The following SRSF5 variants were observed in gnomAD, a reference collection of about 807,000 sequenced individuals.
SRSF5 encodes serine/arginine-rich splicing factor 5.
Under a neutral mutation model 34.0 loss-of-function variants are expected in SRSF5, and 5 were observed. The ratio of observed to expected loss-of-function variants is 0.15; its 90% CI spans 0.08 to 0.31. SRSF5 has a LOEUF of 0.31. Ranked by LOEUF, SRSF5 falls within the 10% of genes least tolerant of loss-of-function variation. SRSF5 has a pLI of 1.00. For synonymous variants in SRSF5, 164 were observed against 117.7 expected, an observed-to-expected ratio of 1.39 and a Z score of -2.55; for missense variants, 223 against 351.4, an observed-to-expected ratio of 0.63 and a Z score of 2.92.
At chr14:69,769,429 A>ATCAAATGTAAATGTTTTGAGGATATTTT in intron 5 of SRSF5, 178 bp downstream of exon 5, 1 of 1,526,268 alleles carries the variant, frequency 6.6e-7, no homozygotes, top group Non-Finnish European at 8.8e-7. Context: ...AATATTAGTG[A>ATCAAATGTAAATGTTTTGAGGATATTTT]TCAAATGTAA....
Position 69,767,998 on chromosome 14 carries a change from C to A in SRSF5, c.-19-140C>A, listed in dbSNP as rs1364300398. Reference sequence around the variant, plus strand: ...TCATTTTGTCTGCAGGTAACCTGGCCTCATTAGAGGCTCTGTTGGCAATCT... The same window carrying A: ...TCATTTTGTCTGCAGGTAACCTGGCATCATTAGAGGCTCTGTTGGCAATCT... On this transcript the variant is annotated intron_variant, in intron 1 of 7. Coordinates refer to ENST00000557154, the MANE Select transcript of SRSF5 (RefSeq NM_001320214.2). 3.2e-6 allele frequency: 3 copies of A among 931,618 alleles called. No individual in the cohort carries two copies. In the African/African-American group the frequency reaches 5.0e-5, roughly 16 times the overall value. 57.7% of individuals were successfully genotyped at this position (931,618 alleles called of 1,614,324 possible). A position where few individuals can be genotyped will look rare whatever the true frequency, so the allele number is the denominator to read the frequency against.
rs1454913064 is a variant in SRSF5, at chr14:69,771,406, A to G, written c.764A>G (p.Asp255Gly). The change falls in exon 8 of 8, where the codon GAT becomes GGT. Residue 255 changes from aspartate (D) to glycine (G), a missense_variant. By Grantham distance (94) the Asp-to-Gly change is moderately conservative (BLOSUM62 -1). Around this residue, in one of 4 missense-constraint regions of SRSF5, gnomAD observed 115 missense variants for 119.7 expected, o/e 0.96. Coordinates refer to ENST00000557154, the MANE Select transcript of SRSF5 (RefSeq NM_001320214.2). ...SSRSKSPASV[D>G]RQRSRSRSRS... ...AGATCTAAGTCTCCAGCATCTGTGG[A>G]TCGCCAGAGGTCCCGGTCCCGATCA... 6.2e-7 allele frequency: 1 copy of G among 1,614,258 alleles called. No individual in the cohort carries two copies. The highest frequency in any genetic ancestry group is 8.5e-7 in the Non-Finnish European group (1 of 1,180,050).
At chr14:69,770,069 T>G (rs1193652567) in intron 5 of SRSF5, 1 of 1,026,294 alleles carries the variant, frequency 9.7e-7, no homozygotes, top group African/African-American at 1.7e-5. Flanking sequence ...TAATGACATA[T>G]GGGGCACAAA....
At chr14:69,770,037 ATAAAGG>A (rs1883013892) in intron 5 of SRSF5, 1 of 1,020,410 alleles carries the variant, frequency 9.8e-7, no homozygotes, top group Non-Finnish European at 1.2e-6. Context: ...GGAAATAATA[ATAAAGG>A]TAAAGTAAAC....
intron 1 of SRSF5, 129 bp from the exon 2 acceptor site, chr14:69,768,009 C>T: frequency 1.9e-6 from 2 of 1,044,274 alleles, no homozygotes; most frequent in Middle Eastern, 2.9e-4. Flanking sequence ...TCATTAGAGG[C>T]TCTGTTGGCA....
chr14:69,769,865 A>AC, intron 5 of SRSF5: 1 of 1,231,892 alleles, frequency 8.1e-7, no homozygotes, highest in African/African-American at 1.5e-5. Flanking sequence ...CTCGAGTAGA[A>AC]CATGTCTGCA....
Position 69,771,420 on chromosome 14 carries a change from C to A in SRSF5, c.778C>A (p.Arg260=), listed in dbSNP as rs188021188. 1.2e-6 allele frequency: 2 copies of A among 1,614,176 alleles called. No individual in the cohort carries two copies. Among genetic ancestry groups the A allele is most frequent in the Non-Finnish European group, 1.7e-6 (2 of 1,180,048 alleles). The change falls in exon 8 of 8, where the codon CGG becomes AGG. Residue 260 remains arginine, a synonymous_variant. Coordinates refer to ENST00000557154, the MANE Select transcript of SRSF5 (RefSeq NM_001320214.2). Reference sequence around the variant, plus strand: ...AGCATCTGTGGATCGCCAGAGGTCCCGGTCCCGATCAAGGTCCAGATCAGT... The same window carrying A: ...AGCATCTGTGGATCGCCAGAGGTCCAGGTCCCGATCAAGGTCCAGATCAGT... The part of the protein sequence containing the change: ...SPASVDRQRS[R]SRSRSRSVDS...
At position 69,771,013 on chromosome 14, in the gene SRSF5, T is replaced by C. The variant is rs1186819199; in HGVS notation, c.459T>C (p.Ser153=). 1.2e-6 allele frequency: 2 copies of C among 1,613,288 alleles called. No individual in the cohort carries two copies. The highest frequency in any genetic ancestry group is 1.7e-6 in the Non-Finnish European group (2 of 1,179,870). ...KLNEGVVEFA[S]YGDLKNAIEK... ...ATTTTAGGGTGGTTGAGTTTGCCTCTTATGGTGACTTAAAGAATGCTATTG... is the reference window on the plus strand; with the variant it reads ...ATTTTAGGGTGGTTGAGTTTGCCTCCTATGGTGACTTAAAGAATGCTATTG... Residue 153 remains serine (S), a synonymous_variant, in exon 7 of 8, where the codon TCT becomes TCC. Coordinates refer to ENST00000557154, the MANE Select transcript of SRSF5 (RefSeq NM_001320214.2).
At position 69,771,980 on chromosome 14, in the gene SRSF5, A is replaced by G. The variant is rs962235549; in HGVS notation, c.*519A>G. 6.5e-6 allele frequency: 1 copy of G among 153,930 alleles called. No individual in the cohort carries two copies. The highest frequency in any genetic ancestry group is 1.4e-5 in the Non-Finnish European group (1 of 69,004). 9.5% of individuals were successfully genotyped at this position (153,930 alleles called of 1,614,324 possible). On this transcript the variant is annotated 3_prime_UTR_variant, in exon 8 of 8. Transcript: ENST00000557154. ...AGACACATTAGAGCAGCTGTTTGTTATTGATAATAAAATATTATAAAACTA... is the reference window on the plus strand; with the variant it reads ...AGACACATTAGAGCAGCTGTTTGTTGTTGATAATAAAATATTATAAAACTA...
chr14:69,770,591 T>C lies in SRSF5; in HGVS notation c.440+51T>C, dbSNP rs772587773. 5.2e-6 allele frequency: 8 copies of C among 1,523,994 alleles called. No homozygotes were observed. In the East Asian group the frequency reaches 1.8e-4, roughly 34 times the overall value. 94.4% of individuals were successfully genotyped at this position (1,523,994 alleles called of 1,614,324 possible). ...TTTAAAAATATCCGGAAAATTTTAC[T>C]GTGAACTTAGTTTTGAGGACTTAAA... On this transcript the variant is annotated intron_variant, in intron 6 of 7. Coordinates refer to ENST00000557154, the MANE Select transcript of SRSF5 (RefSeq NM_001320214.2).
At position 69,768,029 on chromosome 14, in the gene SRSF5, A is replaced by G. The variant is rs569080542; in HGVS notation, c.-19-109A>G. 9.3e-6 allele frequency: 12 copies of G among 1,283,986 alleles called. No homozygotes were observed. The South Asian group carries it at 9.6e-5, about 10-fold the overall frequency. The allele number at this position is 1,283,986 out of a possible 1,614,324, so 79.5% of individuals were successfully genotyped here. On this transcript the variant is annotated intron_variant, in intron 1 of 7. Coordinates refer to ENST00000557154, the MANE Select transcript of SRSF5 (RefSeq NM_001320214.2). ...AGAGGCTCTGTTGGCAATCTCGTTCATAACATCACTGTGTAAACATTTTAT... is the reference window on the plus strand; with the variant it reads ...AGAGGCTCTGTTGGCAATCTCGTTCGTAACATCACTGTGTAAACATTTTAT...
At chr14:69,770,219 C>T (rs564302781) in intron 5 of SRSF5, 6 of 1,268,162 alleles carry the variant, frequency 4.7e-6, no homozygotes, top group Admixed American at 4.0e-5. Flanking sequence ...TCAGCATAGA[C>T]TAATACTACC....
At chr14:69,767,323 GC>G (rs1400348913) in intron 1 of SRSF5, 68 bp downstream of exon 1, 1 of 449,314 alleles carries the variant, frequency 2.2e-6, no homozygotes, top group Non-Finnish European at 4.4e-6. Context: ...CAGATCGTGA[GC>G]GGCCGGGGCT....
intron 5 of SRSF5, 191 bp from the exon 6 acceptor site, chr14:69,770,276 T>G: frequency 7.2e-7 from 1 of 1,381,172 alleles, no homozygotes; most frequent in Non-Finnish European, 9.3e-7. Context: ...TTAAAAGCAA[T>G]ATGCTATTTG....
In SRSF5 at chr14:69,767,186, G is replaced by A; in HGVS notation, c.-89G>A. The A allele has an allele frequency of 2.8e-6, 1 of 356,616 alleles. No individual in the cohort carries two copies. Among genetic ancestry groups the A allele is most frequent in the Non-Finnish European group, 5.5e-6 (1 of 181,574 alleles). 22.1% of individuals were successfully genotyped at this position (356,616 alleles called of 1,614,324 possible). On this transcript the variant is annotated 5_prime_UTR_variant, in exon 1 of 8. Coordinates refer to ENST00000557154, the MANE Select transcript of SRSF5 (RefSeq NM_001320214.2). ...AGACGAGTTAAGTCCTGGTCTGCGT[G>A]GAGGTCGACGACTCCGTCGCAGACT...
rs1003610562 is a variant in SRSF5, at chr14:69,771,396, G to A, written c.754G>A (p.Ala252Thr). ...TTCTTCAAGTAGATCTAAGTCTCCAGCATCTGTGGATCGCCAGAGGTCCCG... is the reference window on the plus strand; with the variant it reads ...TTCTTCAAGTAGATCTAAGTCTCCAACATCTGTGGATCGCCAGAGGTCCCG... ...RGSSSRSKSP[A>T]SVDRQRSRSR... The change falls in exon 8 of 8, where the codon GCA becomes ACA. Residue 252 changes from alanine (A) to threonine (T), a missense_variant. This residue lies in a region of SRSF5 where 115 missense variants were observed against 119.7 expected (regional missense o/e 0.96). Transcript: ENST00000557154. 7 of 1,614,248 alleles carry A rather than the reference G, an allele frequency of 4.3e-6. No homozygotes were observed. The African/African-American group carries it at 9.3e-5, about 22-fold the overall frequency.
intron 5 of SRSF5, chr14:69,770,021 G>T: frequency 9.7e-7 from 1 of 1,026,988 alleles, no homozygotes; most frequent in Non-Finnish European, 1.2e-6. Flanking sequence ...TGCTTGACTA[G>T]CCTAGGGAAA....
chr14:69,769,889 C>A, intron 5 of SRSF5: 1 of 1,168,460 alleles, frequency 8.6e-7, no homozygotes, highest in Non-Finnish European at 1.1e-6. Flanking sequence ...GCCAATAGTC[C>A]GCTAATAGGG....
chr14:69,771,501 CAAA>C lies in SRSF5; in HGVS notation c.*43_*45del, dbSNP rs756119162. ...GCCCTGGGGGCCTTTTTTTAAAAAA[CAAA>C]AACCACAAAAATTCCCAAACCATAC... On this transcript the variant is annotated 3_prime_UTR_variant, in exon 8 of 8. Coordinates refer to ENST00000557154, the MANE Select transcript of SRSF5 (RefSeq NM_001320214.2). 5.3e-6 allele frequency: 8 copies of C among 1,500,244 alleles called. No homozygotes were observed. Among genetic ancestry groups the C allele is most frequent in the Non-Finnish European group, 7.2e-6 (8 of 1,117,242 alleles). 92.9% of individuals were successfully genotyped at this position (1,500,244 alleles called of 1,614,324 possible).
Sources: allele counts gnomAD v4.1 joint callset, GRCh38; gene constraint gnomAD v4.1.1; regional missense constraint gnomAD v4.1.1; transcripts MANE v1.5; gene names NCBI Gene and HGNC (gene_info 2026-07-23, HGNC 2026-07-21).